The following TRIO variants were observed in gnomAD, a reference collection of about 807,000 sequenced individuals.
The protein encoded by TRIO is trio Rho guanine nucleotide exchange factor.
Under a neutral mutation model 351.9 loss-of-function variants are expected in TRIO, and 58 were observed. The ratio of observed to expected loss-of-function variants is 0.16; its 90% CI spans 0.13 to 0.21. The LOEUF (loss-of-function observed/expected upper bound fraction) is 0.21. TRIO is among the 10% of genes least tolerant of loss of function. TRIO has a pLI of 1.00. For missense variants in TRIO, 3,201 were observed against 4,027.8 expected (o/e 0.79, Z 5.56); for synonymous variants, 1,758 against 1,595.7 (o/e 1.10, Z -2.42).
chr5:14,330,611 G>A (rs1561349555), intron 9 of TRIO, among the ~76,000 whole-genome samples, 167 bp from the exon 10 acceptor site: 1 of 152,132 alleles, frequency 6.6e-6, no homozygotes, highest in Admixed American at 6.5e-5. Flanking sequence ...TGTAATTATC[G>A]AGTGTGTTAA....
chr5:14,455,836 T>C (rs557480054), intron 34 of TRIO, among the ~76,000 whole-genome samples: 11 of 152,356 alleles, frequency 7.2e-5, no homozygotes, highest in Admixed American at 7.2e-4. Context: ...CTTTGCCTAG[T>C]GGATCCTGCA....
intron 21 of TRIO, among the ~76,000 whole-genome samples, chr5:14,384,239 C>CT (rs1746356264): frequency 6.6e-6 from 1 of 152,228 alleles, no homozygotes; most frequent in East Asian, 1.9e-4. Flanking sequence ...ACGCCACAGC[C>CT]TTCTTCCCAT....
intron 46 of TRIO, among the ~76,000 whole-genome samples, chr5:14,483,485 A>C (rs78865600): frequency 1.3e-5 from 2 of 152,164 alleles, no homozygotes; most frequent in Admixed American, 1.3e-4. Flanking sequence ...GCCATCAGGG[A>C]CAGGGAACTC....
intron 47 of TRIO, among the ~76,000 whole-genome samples, chr5:14,485,586 C>T (rs1755857692): frequency 2.0e-5 from 3 of 152,114 alleles, no homozygotes; most frequent in Admixed American, 6.5e-5. Context: ...ATAACATGTA[C>T]GAGGGCCCAG....
At chr5:14,360,819 C>A (rs1302425852) in intron 13 of TRIO, among the ~76,000 whole-genome samples, 1 of 152,250 alleles carries the variant, frequency 6.6e-6, no homozygotes, top group Admixed American at 6.5e-5. Context: ...TAACAACAGA[C>A]CTTCTTGGCT....
At chr5:14,407,425 A>G (rs570580498) in intron 33 of TRIO, among the ~76,000 whole-genome samples, 1 of 152,354 alleles carries the variant, frequency 6.6e-6, no homozygotes, top group South Asian at 2.1e-4. Context: ...ATCAGGACCT[A>G]CCACACTGAA....
At chr5:14,311,370 T>G (rs1052618304) in intron 8 of TRIO, among the ~76,000 whole-genome samples, 1 of 152,112 alleles carries the variant, frequency 6.6e-6, no homozygotes, top group African/African-American at 2.4e-5. Flanking sequence ...CTGAAAGAAA[T>G]AGAAATCATC....
chr5:14,479,195 G>T, intron 41 of TRIO, 66 bp from the exon 42 acceptor site: 1 of 1,313,716 alleles, frequency 7.6e-7, no homozygotes, highest in East Asian at 2.3e-5. Context: ...AAATGTGCGG[G>T]TACTCGTGTA....
chr5:14,478,927 C>T (rs1178641206), intron 41 of TRIO, among the ~76,000 whole-genome samples: 1 of 152,164 alleles, frequency 6.6e-6, no homozygotes, highest in Non-Finnish European at 1.5e-5. Context: ...CACCACTGCC[C>T]TCCTGCCTGG....
At chr5:14,223,550 A>G (rs963957287) in intron 1 of TRIO, among the ~76,000 whole-genome samples, 1 of 152,182 alleles carries the variant, frequency 6.6e-6, no homozygotes, top group African/African-American at 2.4e-5. Context: ...CTTGGCTTCA[A>G]GTTAATCTTA....
intron 28 of TRIO, among the ~76,000 whole-genome samples, chr5:14,394,876 C>T (rs1455434551): frequency 6.6e-6 from 1 of 152,174 alleles, no homozygotes; most frequent in Non-Finnish European, 1.5e-5. Flanking sequence ...CATCAATACA[C>T]ATTTTCTTGA....
intron 20 of TRIO, among the ~76,000 whole-genome samples, chr5:14,380,211 T>A (rs1745949885): frequency 6.6e-6 from 1 of 152,214 alleles, no homozygotes. Context: ...CCCTCTTGTC[T>A]TACGTGTTGT....
intron 1 of TRIO, among the ~76,000 whole-genome samples, chr5:14,229,773 TCA>T: frequency 6.6e-6 from 1 of 152,264 alleles, no homozygotes; most frequent in South Asian, 2.1e-4. Context: ...GCGCTTTAAC[TCA>T]CAAAGAAGAA....
At chr5:14,289,340 G>A (rs1172599308) in intron 4 of TRIO, among the ~76,000 whole-genome samples, 1 of 151,928 alleles carries the variant, frequency 6.6e-6, no homozygotes, top group Non-Finnish European at 1.5e-5. Flanking sequence ...AGCTGAGGTT[G>A]CACCACTGCA....
chr5:14,293,421 A>G (rs1737074334), intron 6 of TRIO, among the ~76,000 whole-genome samples: 1 of 152,218 alleles, frequency 6.6e-6, no homozygotes, highest in East Asian at 1.9e-4. Flanking sequence ...CCTGTGCTGC[A>G]CTTCATAGGA....
intron 16 of TRIO, among the ~76,000 whole-genome samples, chr5:14,368,242 A>G (rs1468298389): frequency 1.3e-5 from 2 of 152,260 alleles, no homozygotes; most frequent in South Asian, 2.1e-4. Context: ...TTTAAAATCA[A>G]TAGTTCTTGA....
chr5:14,326,144 G>A (rs1460082861), intron 9 of TRIO, among the ~76,000 whole-genome samples: 1 of 152,194 alleles, frequency 6.6e-6, no homozygotes, highest in Non-Finnish European at 1.5e-5. Context: ...ATCTGTAAGA[G>A]GATAGGGATC....
At chr5:14,256,882 G>A (rs1795048954) in intron 1 of TRIO, among the ~76,000 whole-genome samples, 1 of 152,194 alleles carries the variant, frequency 6.6e-6, no homozygotes, top group African/African-American at 2.4e-5. Flanking sequence ...AAAACTTAGT[G>A]TGGCTTTTCA....
chr5:14,432,674 C>T (rs1301153060), intron 34 of TRIO, among the ~76,000 whole-genome samples: 2 of 152,176 alleles, frequency 1.3e-5, no homozygotes, highest in East Asian at 1.9e-4. Flanking sequence ...CAGAACTTTA[C>T]TCACAATGAG....
Sources: gnomAD v4.1 joint callset for allele counts (sites outside exome capture counted in the v4.1 genomes callset) on GRCh38, gnomAD v4.1.1 for gene constraint, MANE v1.5 for transcripts, NCBI Gene and HGNC (gene_info 2026-07-23, HGNC 2026-07-21) for gene names.